PLCB1: variants seen among roughly 807,000 people sequenced by gnomAD.
The protein encoded by PLCB1 is phospholipase C beta 1.
In PLCB1, 46 loss-of-function variants were observed where a neutral mutation model predicts 161.8. The ratio of observed to expected loss-of-function variants is 0.28; its 90% confidence interval spans 0.22 to 0.36. The LOEUF (loss-of-function observed/expected upper bound fraction) is 0.36. PLCB1 is among the 10% of genes least tolerant of loss of function. PLCB1 has a pLI of 1.00. For synonymous variants in PLCB1, 517 were observed against 503.7 expected, an observed-to-expected ratio of 1.03 and a Z score of -0.35; for missense variants, 1,016 against 1,472.5, an observed-to-expected ratio of 0.69 and a Z score of 5.07.
chr20:8,549,385 G>A (rs1227358554), intron 3 of PLCB1, among the ~76,000 whole-genome samples: 1 of 152,080 alleles, frequency 6.6e-6, no homozygotes, highest in Non-Finnish European at 1.5e-5. Flanking sequence ...GTGGCTAAGG[G>A]ACTGCACAGT....
chr20:8,717,924 C>T (rs1284230658), intron 14 of PLCB1, 76 bp downstream of exon 14: 2 of 1,306,824 alleles, frequency 1.5e-6, no homozygotes, highest in African/African-American at 3.0e-5. Context: ...TGCGTGGTGG[C>T]TCATGCCTGT....
chr20:8,756,834 T>C (rs1314188349), intron 23 of PLCB1, among the ~76,000 whole-genome samples: 2 of 152,108 alleles, frequency 1.3e-5, no homozygotes, highest in Admixed American at 6.6e-5. Context: ...CATAGGTTGG[T>C]GTAAAAATTG....
intron 4 of PLCB1, among the ~76,000 whole-genome samples, chr20:8,641,659 C>G (rs968086552): frequency 2.0e-5 from 3 of 152,166 alleles, no homozygotes; most frequent in South Asian, 2.1e-4. Context: ...AGAGGTAGAC[C>G]AATCAGACCT....
intron 2 of PLCB1, among the ~76,000 whole-genome samples, chr20:8,199,907 G>A (rs1342161664): frequency 6.6e-6 from 1 of 151,940 alleles, no homozygotes. Context: ...ATACTAAGTC[G>A]ATTCTACAGT....
At chr20:8,301,062 C>T (rs1036070851) in intron 2 of PLCB1, among the ~76,000 whole-genome samples, 22 of 152,246 alleles carry the variant, frequency 1.4e-4, no homozygotes, top group African/African-American at 4.8e-4. Context: ...TGCTGCATTA[C>T]GGAGAGCCTT....
intron 4 of PLCB1, among the ~76,000 whole-genome samples, chr20:8,642,152 T>G (rs1455103327): frequency 6.6e-6 from 1 of 152,216 alleles, no homozygotes; most frequent in Non-Finnish European, 1.5e-5. Flanking sequence ...TGGGTTTTTT[T>G]GTAATTATGT....
intron 3 of PLCB1, among the ~76,000 whole-genome samples, chr20:8,381,354 C>T (rs181529943): frequency 6.6e-5 from 10 of 152,112 alleles, no homozygotes; most frequent in South Asian, 4.1e-4. Context: ...AGTATTTTAT[C>T]GAGGATTTTT....
intron 3 of PLCB1, among the ~76,000 whole-genome samples, chr20:8,558,362 T>C (rs1986030460): frequency 6.6e-6 from 1 of 150,936 alleles, no homozygotes; most frequent in African/African-American, 2.4e-5. Context: ...TTATATATAC[T>C]CAAAAAGATA....
chr20:8,600,084 C>G (rs1436860861), intron 3 of PLCB1, among the ~76,000 whole-genome samples: 1 of 121,612 alleles, frequency 8.2e-6, no homozygotes, highest in African/African-American at 3.4e-5. Flanking sequence ...TCGTCTGAAG[C>G]CTTCTTCTCT....
chr20:8,631,940 C>T (rs1472097380), intron 4 of PLCB1, among the ~76,000 whole-genome samples: 1 of 137,978 alleles, frequency 7.2e-6, no homozygotes, highest in South Asian at 2.2e-4. Flanking sequence ...AATCACTACA[C>T]AATGTCCTTA....
intron 3 of PLCB1, among the ~76,000 whole-genome samples, chr20:8,536,477 C>T (rs1479791837): frequency 1.3e-5 from 2 of 152,110 alleles, no homozygotes; most frequent in African/African-American, 2.4e-5. Context: ...GAGCAAACCA[C>T]CCAAAAAACC....
intron 3 of PLCB1, among the ~76,000 whole-genome samples, chr20:8,612,413 G>A (rs1244279290): frequency 9.9e-5 from 15 of 152,092 alleles, no homozygotes; most frequent in Admixed American, 1.3e-4. Flanking sequence ...CATCTTTGCC[G>A]TCCATTGGAT....
At chr20:8,303,537 A>G (rs1984000107) in intron 2 of PLCB1, among the ~76,000 whole-genome samples, 1 of 152,222 alleles carries the variant, frequency 6.6e-6, no homozygotes, top group African/African-American at 2.4e-5. Flanking sequence ...TACATAGAGC[A>G]TTACTTCTTT....
intron 3 of PLCB1, among the ~76,000 whole-genome samples, chr20:8,437,058 G>A (rs1443509391): frequency 4.6e-5 from 7 of 152,044 alleles, no homozygotes; most frequent in East Asian, 1.9e-4. Context: ...CTAAAGTGCC[G>A]GGATTACAGG....
In PLCB1 at chr20:8,881,879, T is replaced by C. The variant is rs768688721; in HGVS notation, c.*30T>C. 2.1e-6 allele frequency: 3 copies of C among 1,408,828 alleles called. No homozygotes were observed. In the African/African-American group the frequency reaches 4.2e-5, roughly 20 times the overall value. The allele number at this position is 1,408,828 out of a possible 1,614,324, so 87.3% of individuals were successfully genotyped here. A position where few individuals can be genotyped will look rare whatever the true frequency, so the allele number is the denominator to read the frequency against. On this transcript the variant is annotated 3_prime_UTR_variant, in exon 32 of 32. Transcript: ENST00000338037. Reference sequence around the variant, plus strand: ...TCCTGCCAGGCCTTCAGAAATTGCATGGCCACTCCAGCGTCATCGGACTCT... The same window carrying C: ...TCCTGCCAGGCCTTCAGAAATTGCACGGCCACTCCAGCGTCATCGGACTCT...
At chr20:8,629,944 C>CTTT (rs1988508989) in intron 4 of PLCB1, among the ~76,000 whole-genome samples, 2 of 130,754 alleles carry the variant, frequency 1.5e-5, no homozygotes, top group Non-Finnish European at 1.6e-5. Context: ...CTTTCTTTCT[C>CTTT]TCTTTCTTTT....
At chr20:8,435,995 A>G (rs1244975682) in intron 3 of PLCB1, among the ~76,000 whole-genome samples, 1 of 152,172 alleles carries the variant, frequency 6.6e-6, no homozygotes, top group Non-Finnish European at 1.5e-5. Flanking sequence ...TCTCCACACA[A>G]GGAAAATAAC....
chr20:8,552,166 G>T (rs1346212487), intron 3 of PLCB1, among the ~76,000 whole-genome samples: 2 of 152,144 alleles, frequency 1.3e-5, no homozygotes, highest in East Asian at 3.9e-4. Flanking sequence ...GGGCTTCTAA[G>T]ACCCTCATTA....
At chr20:8,692,836 G>GC (rs918993770) in intron 10 of PLCB1, among the ~76,000 whole-genome samples, 10 of 152,008 alleles carry the variant, frequency 6.6e-5, no homozygotes, top group African/African-American at 1.7e-4. Flanking sequence ...TTCCCTGACA[G>GC]CCCCCCACCT....
Sources: allele counts gnomAD v4.1 joint callset (sites outside exome capture counted in the v4.1 genomes callset), GRCh38; gene constraint gnomAD v4.1.1; transcripts MANE v1.5; gene names NCBI Gene and HGNC (gene_info 2026-07-23, HGNC 2026-07-21).